XRN1: variants seen among roughly 807,000 people sequenced by gnomAD.
XRN1 encodes 5'-3' exoribonuclease 1, also known as strand-exchange protein 1 homolog.
In XRN1, 67 loss-of-function variants were observed where a neutral mutation model predicts 222.3. That is an observed-to-expected ratio of 0.30 (90% CI 0.25 to 0.37). The LOEUF (loss-of-function observed/expected upper bound fraction) is 0.37, where lower values mean the gene tolerates loss of function less well. Among genes scored for constraint, XRN1 ranks in the 10% least tolerant of loss-of-function variants. The pLI is 1.00. For synonymous variants in XRN1, 643 were observed against 652.4 expected, an observed-to-expected ratio of 0.99 and a Z score of 0.22; for missense variants, 1,707 against 2,000.2, an observed-to-expected ratio of 0.85 and a Z score of 2.80.
At chr3:142,367,387 GT>G (rs11326075) in intron 27 of XRN1, among the ~76,000 whole-genome samples, 92,217 of 151,878 alleles carry the variant, frequency 0.61, 29,166 homozygotes, top group African/African-American at 0.8. Context: ...TGATTTGTTT[GT>G]TACCTGAAAG....
At chr3:142,348,510 C>T (rs1314488407) in intron 32 of XRN1, among the ~76,000 whole-genome samples, 1 of 152,032 alleles carries the variant, frequency 6.6e-6, no homozygotes, top group Admixed American at 6.6e-5. Context: ...GGAGAGAAAG[C>T]CTGAATGCAA....
chr3:142,382,153 G>A (rs907946112), intron 22 of XRN1, among the ~76,000 whole-genome samples: 13 of 151,348 alleles, frequency 8.6e-5, no homozygotes, highest in Admixed American at 3.3e-4. Flanking sequence ...TACAGTTTTC[G>A]TTTCCCTTGC....
At chr3:142,435,082 G>C (rs1263809455) in intron 1 of XRN1, 1 of 152,170 alleles carries the variant, frequency 6.6e-6, no homozygotes, top group Non-Finnish European at 1.5e-5. Context: ...AAAACGTAGG[G>C]AAATGTTTGC....
chr3:142,373,850 C>T (rs191939418), intron 25 of XRN1, among the ~76,000 whole-genome samples: 152 of 152,176 alleles, frequency 1.0e-3, no homozygotes, highest in East Asian at 5.0e-3. Flanking sequence ...GGCATGGTGG[C>T]AGGTGCCTGT....
chr3:142,396,650 C>CAAAATTAG (rs2067945497), intron 20 of XRN1, among the ~76,000 whole-genome samples: 1 of 152,128 alleles, frequency 6.6e-6, no homozygotes. Context: ...GTATTAGCCC[C>CAAAATTAG]AAAATTAGAA....
Position 142,423,491 on chromosome 3 carries a change from A to T in XRN1, c.710+69T>A, listed in dbSNP as rs190278490. 755 of 1,274,212 alleles carry T rather than the reference A, an allele frequency of 5.9e-4. 16 individuals carry two copies. The East Asian group carries it at 0.017, about 29-fold the overall frequency. 78.9% of individuals were successfully genotyped at this position (1,274,212 alleles called of 1,614,324 possible). Reference sequence around the variant, plus strand: ...GGAATGAGATAAAGTATTTACAAACATGTATCTGTTAAAGAATTACTATCC... The same window carrying T: ...GGAATGAGATAAAGTATTTACAAACTTGTATCTGTTAAAGAATTACTATCC... On this transcript the variant is annotated intron_variant, in intron 6 of 40. Transcript: ENST00000392981.
At chr3:142,384,718 T>A in intron 20 of XRN1, 33 bp from the exon 21 acceptor site, 1 of 1,464,508 alleles carries the variant, frequency 6.8e-7, no homozygotes, top group Non-Finnish European at 9.3e-7. Flanking sequence ...AATATACATA[T>A]GAATGAGTAT....
Position 142,311,363 on chromosome 3 carries a change from A to C in XRN1, c.*148T>G, listed in dbSNP as rs1049783793. The C allele has an allele frequency of 4.7e-5, 33 of 700,164 alleles. No homozygotes were observed. In the African/African-American group the frequency reaches 5.4e-4, roughly 11 times the overall value. The allele number at this position is 700,164 out of a possible 1,614,324, so 43.4% of individuals were successfully genotyped here. On this transcript the variant is annotated 3_prime_UTR_variant, in exon 41 of 41. Transcript: ENST00000392981. ...TACACAGTCTTTTAAACAGCATGAA[A>C]AGTGCCTGATAACTTAAAAATGAAA...
chr3:142,422,808 T>C (rs764836729), intron 7 of XRN1, 27 bp downstream of exon 7: 7 of 1,602,030 alleles, frequency 4.4e-6, no homozygotes, highest in African/African-American at 1.3e-5. Flanking sequence ...ATGGAAATCC[T>C]TGGTCCATGG....
At position 142,418,880 on chromosome 3, in the gene XRN1, C is replaced by A; in HGVS notation, c.1175G>T (p.Gly392Val). ...RNYKEKKKLK[G>V]QENSLCWTAL... Reference sequence around the variant, plus strand: ...AGTCCAACACAGAGAATTTTCCTGGCCCTGTAAATTGTAAATCAACATAAA... The same window carrying A: ...AGTCCAACACAGAGAATTTTCCTGGACCTGTAAATTGTAAATCAACATAAA... The change falls in exon 11 of 41, where the codon GGC becomes GTC. Residue 392 changes from glycine (G) to valine (V), a missense_variant and splice_region_variant. By Grantham distance (109) the Gly-to-Val change is moderately radical (BLOSUM62 -3). This residue lies in a region of XRN1 where 1,234 missense variants were observed against 1,518.2 expected (regional missense o/e 0.81). Coordinates refer to ENST00000392981, the MANE Select transcript of XRN1 (RefSeq NM_001282857.2). The A allele has an allele frequency of 6.2e-7, 1 of 1,613,664 alleles. No homozygotes were observed. Among genetic ancestry groups the A allele is most frequent in the Non-Finnish European group, 8.5e-7 (1 of 1,179,764 alleles).
intron 13 of XRN1, among the ~76,000 whole-genome samples, chr3:142,416,466 G>A (rs538066508): frequency 1.6e-4 from 25 of 152,306 alleles, no homozygotes; most frequent in African/African-American, 4.1e-4. Flanking sequence ...TTAGAGGCAT[G>A]AGCCACTGTG....
intron 23 of XRN1, among the ~76,000 whole-genome samples, chr3:142,378,478 T>C (rs2067206198): frequency 6.6e-6 from 1 of 152,142 alleles, no homozygotes; most frequent in Admixed American, 6.5e-5. Context: ...CAAGATGCTA[T>C]ATATAGCCAG....
intron 32 of XRN1, 97 bp from the exon 33 acceptor site, chr3:142,347,439 T>A: frequency 1.3e-6 from 1 of 792,146 alleles, no homozygotes. Context: ...AAAAATTATA[T>A]AGTTCCTTAG....
At chr3:142,440,662 G>A (rs1483273105) in intron 1 of XRN1, among the ~76,000 whole-genome samples, 1 of 152,102 alleles carries the variant, frequency 6.6e-6, no homozygotes, top group East Asian at 1.9e-4. Flanking sequence ...AGACAGTGGA[G>A]GTTAGTGCAA....
At chr3:142,402,407 T>A (rs980923741) in intron 18 of XRN1, among the ~76,000 whole-genome samples, 51 of 152,110 alleles carry the variant, frequency 3.4e-4, no homozygotes, top group Non-Finnish European at 6.2e-4. Context: ...TGTCTTGAAC[T>A]CCTGACCTCA....
intron 1 of XRN1, among the ~76,000 whole-genome samples, chr3:142,446,052 T>C (rs1007524958): frequency 2.0e-4 from 30 of 152,248 alleles, no homozygotes; most frequent in African/African-American, 7.0e-4. Flanking sequence ...TTGAGTTTCA[T>C]GGGGATAGCA....
At chr3:142,342,290 A>G (rs1222908185) in intron 33 of XRN1, among the ~76,000 whole-genome samples, 1 of 152,232 alleles carries the variant, frequency 6.6e-6, no homozygotes, top group Non-Finnish European at 1.5e-5. Context: ...AAGAAATTGA[A>G]GAGGACACAA....
intron 20 of XRN1, among the ~76,000 whole-genome samples, chr3:142,391,118 T>C (rs1382847485): frequency 1.3e-5 from 2 of 152,136 alleles, no homozygotes; most frequent in South Asian, 2.1e-4. Flanking sequence ...GTTTGAAATA[T>C]TGTGAGAATT....
chr3:142,439,994 G>A (rs543746380), intron 1 of XRN1, among the ~76,000 whole-genome samples: 3 of 150,612 alleles, frequency 2.0e-5, no homozygotes, highest in Admixed American at 6.5e-5. Flanking sequence ...TGAGACGAAG[G>A]TCTCAGGAGA....
Sources: allele counts gnomAD v4.1 joint callset (sites outside exome capture counted in the v4.1 genomes callset), GRCh38; gene constraint gnomAD v4.1.1; regional missense constraint gnomAD v4.1.1; transcripts MANE v1.5; gene names NCBI Gene and HGNC (gene_info 2026-07-23, HGNC 2026-07-21).